PCDH7: variants seen among roughly 807,000 people sequenced by gnomAD.
PCDH7 encodes protocadherin 7, also known as protocadherin-7.
In PCDH7, 17 loss-of-function variants were observed where a neutral mutation model predicts 58.9. That is an observed-to-expected ratio of 0.29 (90% confidence interval 0.20 to 0.43). The LOEUF (loss-of-function observed/expected upper bound fraction) is 0.43, where lower values mean the gene tolerates loss of function less well. PCDH7 is among the 20% of genes least tolerant of loss of function. PCDH7 has a pLI of 1.00. For synonymous variants in PCDH7, 664 were observed against 616.4 expected, an observed-to-expected ratio of 1.08 and a Z score of -1.14; for missense variants, 1,274 against 1,441.0, an observed-to-expected ratio of 0.88 and a Z score of 1.88.
intron 3 of PCDH7, among the ~76,000 whole-genome samples, chr4:30,980,179 A>G (rs1261216483): frequency 1.3e-5 from 2 of 152,296 alleles, no homozygotes; most frequent in African/African-American, 2.4e-5. Context: ...ACGTATTACA[A>G]ATCTCATCAT....
chr4:30,853,955 G>A (rs1285599425), intron 1 of PCDH7, among the ~76,000 whole-genome samples: 1 of 151,866 alleles, frequency 6.6e-6, no homozygotes, highest in African/African-American at 2.4e-5. Context: ...CCTGCTGTGT[G>A]GCAATTAACA....
intron 1 of PCDH7, among the ~76,000 whole-genome samples, chr4:30,865,765 T>C (rs1218788669): frequency 3.3e-5 from 5 of 152,086 alleles, no homozygotes; most frequent in Non-Finnish European, 5.9e-5. Flanking sequence ...CTTTTCTCAG[T>C]TGATGAACAG....
chr4:30,721,531 C>A lies in PCDH7; in HGVS notation c.109C>A (p.Arg37=). ...GGCCGCCAAGCAGCTCCTCCGGTAC[C>A]GGCTGGCCGAGGAGGGCCCCGCCGA... is the stretch of plus-strand genomic sequence containing the variant. Residue 37 remains arginine (R), a synonymous_variant, in exon 1 of 2, where the codon CGG becomes AGG. Transcript: ENST00000361762. This position sits in a 1 kb window ranked among gnomAD's most constrained non-coding sequence, Gnocchi z 6.7. 3 of 1,600,730 alleles carry A rather than the reference C, an allele frequency of 1.9e-6. No individual in the cohort carries two copies. Among genetic ancestry groups the A allele is most frequent in the Admixed American group, 1.7e-5 (1 of 59,946 alleles).
intron 3 of PCDH7, among the ~76,000 whole-genome samples, chr4:31,047,059 T>C (rs1467940273): frequency 6.6e-6 from 1 of 152,072 alleles, no homozygotes; most frequent in Non-Finnish European, 1.5e-5. Context: ...AGTTTTAATA[T>C]TCTCAAGTTC....
Position 30,721,562 on chromosome 4 carries a change from G to A in PCDH7, c.140G>A (p.Arg47His), listed in dbSNP as rs1200504414. ...GCCGAGGAGGGCCCCGCCGACGTCC[G>A]CATCGGCAACGTGGCTTCAGACCTG... The change falls in exon 1 of 2, where the codon CGC becomes CAC. Residue 47 changes from arginine to histidine, a missense_variant. Physicochemically the swap from Arg to His is conservative, Grantham distance 29. Coordinates refer to ENST00000361762, the Ensembl canonical transcript of PCDH7. The surrounding 1 kb of genome is among the most constrained non-coding windows in gnomAD (Gnocchi z 6.7). 3 of 1,605,554 alleles carry A rather than the reference G, an allele frequency of 1.9e-6. No individual in the cohort carries two copies. Among genetic ancestry groups the A allele is most frequent in the Non-Finnish European group, 1.7e-6 (2 of 1,179,840 alleles).
chr4:31,025,816 G>A (rs1754378669), intron 3 of PCDH7, among the ~76,000 whole-genome samples: 1 of 152,118 alleles, frequency 6.6e-6, no homozygotes, highest in African/African-American at 2.4e-5. Context: ...AAAACTTACA[G>A]AATATATTTT....
intron 1 of PCDH7, among the ~76,000 whole-genome samples, chr4:30,827,029 T>G (rs147401620): frequency 6.6e-6 from 1 of 152,190 alleles, no homozygotes; most frequent in Non-Finnish European, 1.5e-5. Context: ...AATGTGTATA[T>G]AAACAATGAG....
At chr4:30,725,879 A>C (rs2109231290) in intron 1 of PCDH7, among the ~76,000 whole-genome samples, 1 of 152,250 alleles carries the variant, frequency 6.6e-6, no homozygotes, top group South Asian at 2.1e-4. Flanking sequence ...ATTTTAAATA[A>C]ATATTTTCTG....
intron 3 of PCDH7, among the ~76,000 whole-genome samples, chr4:31,040,692 G>C (rs931130632): frequency 6.6e-6 from 1 of 152,094 alleles, no homozygotes; most frequent in Non-Finnish European, 1.5e-5. Flanking sequence ...CTCATCACAT[G>C]TTAAACCAAC....
intron 1 of PCDH7, among the ~76,000 whole-genome samples, chr4:30,875,666 C>CA (rs1276321228): frequency 6.6e-6 from 1 of 152,080 alleles, no homozygotes; most frequent in Non-Finnish European, 1.5e-5. Context: ...GCCCTGGACT[C>CA]ACTTGGGTCA....
chr4:30,811,302 A>G (rs1489276789), intron 1 of PCDH7, among the ~76,000 whole-genome samples: 1 of 152,206 alleles, frequency 6.6e-6, no homozygotes, highest in African/African-American at 2.4e-5. Flanking sequence ...ATTAGTTTAT[A>G]ATTCTCTAGA....
chr4:31,072,445 AT>A (rs759774785), intron 3 of PCDH7, among the ~76,000 whole-genome samples: 3 of 151,922 alleles, frequency 2.0e-5, no homozygotes, highest in Admixed American at 1.3e-4. Context: ...GAAAGAGATA[AT>A]TTTTTTTAAA....
chr4:30,968,194 T>C (rs1432800098), intron 3 of PCDH7, among the ~76,000 whole-genome samples: 1 of 148,964 alleles, frequency 6.7e-6, no homozygotes, highest in Non-Finnish European at 1.5e-5. Context: ...TAGCTTCCAG[T>C]AATAAAAACA....
chr4:31,114,630 C>A (rs886689905), intron 3 of PCDH7, among the ~76,000 whole-genome samples: 8 of 111,282 alleles, frequency 7.2e-5, no homozygotes, highest in African/African-American at 2.9e-4. Flanking sequence ...CTCACACATA[C>A]AAACACACAC....
intron 3 of PCDH7, among the ~76,000 whole-genome samples, chr4:31,034,024 G>C (rs980247078): frequency 6.6e-6 from 1 of 152,250 alleles, no homozygotes; most frequent in South Asian, 2.1e-4. Flanking sequence ...AGTCCGGGAG[G>C]CAGAGGTTGC....
At chr4:31,042,063 A>T (rs1217449309) in intron 3 of PCDH7, among the ~76,000 whole-genome samples, 1 of 152,162 alleles carries the variant, frequency 6.6e-6, no homozygotes, top group African/African-American at 2.4e-5. Context: ...TCGACAAAGT[A>T]TGCAGTGAGT....
chr4:31,006,892 CAAAA>C (rs71651570), intron 3 of PCDH7, among the ~76,000 whole-genome samples: 1 of 118,278 alleles, frequency 8.5e-6, no homozygotes, highest in African/African-American at 3.1e-5. Flanking sequence ...AACTTTGTCT[CAAAA>C]AAAAAAAAAA....
chr4:30,950,031 T>C (rs144258319), intron 2 of PCDH7: 27 of 152,740 alleles, frequency 1.8e-4, no homozygotes, highest in African/African-American at 6.5e-4. Flanking sequence ...TTTTTGGAAA[T>C]TGTTTTATTG....
At chr4:30,799,055 A>G (rs1293091674) in intron 1 of PCDH7, among the ~76,000 whole-genome samples, 1 of 152,204 alleles carries the variant, frequency 6.6e-6, no homozygotes, top group Non-Finnish European at 1.5e-5. Context: ...CAGTTCTGTG[A>G]CAGTGAAATT....
Sources: gnomAD v4.1 joint callset for allele counts (sites outside exome capture counted in the v4.1 genomes callset) on GRCh38, gnomAD v4.1.1 for gene constraint, Gnocchi (gnomAD v3.1) non-coding constraint, MANE v1.5 for transcripts, NCBI Gene and HGNC (gene_info 2026-07-23, HGNC 2026-07-21) for gene names.